The following CDH12 variants were observed in gnomAD, a reference collection of about 807,000 sequenced individuals.
CDH12 encodes cadherin 12, also known as cadherin-12.
CDH12 carries 41 observed loss-of-function variants against 74.1 expected under a neutral mutation model. That is an observed-to-expected ratio of 0.55 (90% CI 0.43 to 0.72). CDH12 has a LOEUF of 0.72. Among genes scored for constraint, CDH12 ranks in the 30% least tolerant of loss-of-function variants. The pLI is 0.00. For missense variants in CDH12, 945 were observed against 977.2 expected (o/e 0.97, Z 0.44); for synonymous variants, 399 against 355.0 (o/e 1.12, Z -1.39).
At chr5:22,558,166 C>G (rs569633567) in intron 1 of CDH12, among the ~76,000 whole-genome samples, 88 of 152,090 alleles carry the variant, frequency 5.8e-4, no homozygotes, top group Non-Finnish European at 9.4e-4. Flanking sequence ...AAGAGATAAA[C>G]CAGAGAAGGT....
intron 5 of CDH12, among the ~76,000 whole-genome samples, chr5:22,016,166 G>A (rs2150156873): frequency 6.6e-6 from 1 of 152,180 alleles, no homozygotes; most frequent in African/African-American, 2.4e-5. Flanking sequence ...TTAGGAAACG[G>A]AGAACATCAT....
intron 9 of CDH12, among the ~76,000 whole-genome samples, chr5:21,814,603 A>C (rs1747940441): frequency 6.6e-6 from 1 of 151,192 alleles, no homozygotes. Context: ...TGAAAACATA[A>C]ACATAAAACT....
intron 5 of CDH12, among the ~76,000 whole-genome samples, chr5:22,028,259 A>C (rs887241413): frequency 6.6e-6 from 1 of 152,128 alleles, no homozygotes; most frequent in African/African-American, 2.4e-5. Context: ...AGTTCTGGCC[A>C]GGGCAATTAG....
intron 1 of CDH12, among the ~76,000 whole-genome samples, chr5:22,694,488 T>C (rs1742245566): frequency 6.6e-6 from 1 of 152,164 alleles, no homozygotes; most frequent in South Asian, 2.1e-4. Flanking sequence ...CTTAATACAA[T>C]TGCCAAATAC....
intron 1 of CDH12, among the ~76,000 whole-genome samples, chr5:22,823,259 G>A (rs34538137): frequency 5.9e-5 from 9 of 151,276 alleles, no homozygotes; most frequent in South Asian, 2.1e-4. Flanking sequence ...GGGAGGGATA[G>A]CATTAGGAGT....
intron 5 of CDH12, among the ~76,000 whole-genome samples, chr5:22,017,830 G>C (rs140218599): frequency 4.6e-5 from 7 of 150,758 alleles, no homozygotes; most frequent in Non-Finnish European, 7.4e-5. Flanking sequence ...CGTAATCTCA[G>C]CTCACCACAA....
At chr5:22,820,595 A>G (rs1267105899) in intron 1 of CDH12, among the ~76,000 whole-genome samples, 3 of 152,196 alleles carry the variant, frequency 2.0e-5, no homozygotes, top group East Asian at 1.9e-4. Flanking sequence ...ATCAGAGAAT[A>G]CTACAAACAC....
intron 4 of CDH12, among the ~76,000 whole-genome samples, chr5:22,146,640 G>A (rs1376702225): frequency 4.6e-5 from 7 of 152,048 alleles, no homozygotes; most frequent in Admixed American, 3.9e-4. Context: ...ATCATTTATA[G>A]GTCTTATTTT....
chr5:22,647,844 T>A (rs1739523939), intron 1 of CDH12, among the ~76,000 whole-genome samples: 1 of 151,926 alleles, frequency 6.6e-6, no homozygotes, highest in East Asian at 1.9e-4. Context: ...AATTCACTTT[T>A]ATGCAATCCC....
intron 9 of CDH12, among the ~76,000 whole-genome samples, chr5:21,814,361 T>C (rs1747926630): frequency 6.6e-6 from 1 of 152,068 alleles, no homozygotes; most frequent in African/African-American, 2.4e-5. Flanking sequence ...AGATGTTTCA[T>C]AATGAAAAAG....
chr5:22,082,171 C>T (rs543733181), intron 4 of CDH12, among the ~76,000 whole-genome samples: 118 of 152,130 alleles, frequency 7.8e-4, no homozygotes, highest in Non-Finnish European at 3.5e-4. Context: ...GAAGGGGTTT[C>T]TTTTTCATTC....
intron 1 of CDH12, among the ~76,000 whole-genome samples, chr5:22,812,956 A>C (rs1749220933): frequency 6.6e-6 from 1 of 152,130 alleles, no homozygotes; most frequent in Admixed American, 6.6e-5. Flanking sequence ...GCTGAGATCA[A>C]GGAGACTTGC....
At chr5:22,278,009 G>T (rs1736717227) in intron 3 of CDH12, 1 of 152,188 alleles carries the variant, frequency 6.6e-6, no homozygotes, top group South Asian at 2.1e-4. Context: ...TGTAAGGGTT[G>T]GCATGTGGCA....
intron 1 of CDH12, among the ~76,000 whole-genome samples, chr5:22,670,594 A>G (rs1740853094): frequency 1.3e-5 from 2 of 152,136 alleles, no homozygotes; most frequent in African/African-American, 4.8e-5. Flanking sequence ...GGAGGTTATT[A>G]AACTCTTATA....
At chr5:22,625,855 TC>T (rs953478248) in intron 1 of CDH12, among the ~76,000 whole-genome samples, 1 of 151,692 alleles carries the variant, frequency 6.6e-6, no homozygotes, top group Non-Finnish European at 1.5e-5. Flanking sequence ...ACTTTCAGCA[TC>T]CCCCCCACAG....
chr5:22,130,618 A>C (rs962384097), intron 4 of CDH12, among the ~76,000 whole-genome samples: 60 of 152,034 alleles, frequency 3.9e-4, no homozygotes, highest in Non-Finnish European at 7.1e-4. Flanking sequence ...ATCCCACTGG[A>C]CATCTCTGAG....
At chr5:22,230,489 T>C (rs76142035) in intron 3 of CDH12, among the ~76,000 whole-genome samples, 1 of 151,334 alleles carries the variant, frequency 6.6e-6, no homozygotes, top group African/African-American at 2.4e-5. Flanking sequence ...TTTTTTTTTT[T>C]TTGACAGAGT....
intron 3 of CDH12, among the ~76,000 whole-genome samples, chr5:22,388,724 A>C (rs1201771573): frequency 6.6e-6 from 1 of 152,208 alleles, no homozygotes; most frequent in Non-Finnish European, 1.5e-5. Flanking sequence ...ACTGTATATC[A>C]TCACATAAAT....
At chr5:21,917,619 C>A (rs1754160545) in intron 6 of CDH12, among the ~76,000 whole-genome samples, 1 of 152,006 alleles carries the variant, frequency 6.6e-6, no homozygotes, top group Admixed American at 6.6e-5. Flanking sequence ...ATGAAACTAA[C>A]AAGTGTTCTC....
Sources: allele counts gnomAD v4.1 joint callset (sites outside exome capture counted in the v4.1 genomes callset), GRCh38; gene constraint gnomAD v4.1.1; transcripts MANE v1.5; gene names NCBI Gene and HGNC (gene_info 2026-07-23, HGNC 2026-07-21).